RABAC1: variants seen among roughly 807,000 people sequenced by gnomAD.
The protein encoded by RABAC1 is Rab acceptor 1.
Under a neutral mutation model 22.9 loss-of-function variants are expected in RABAC1, and 16 were observed. The ratio of observed to expected loss-of-function variants is 0.70; its 90% CI spans 0.47 to 1.06. RABAC1 has a LOEUF of 1.06. Ranked by LOEUF, RABAC1 falls within the 50% of genes least tolerant of loss-of-function variation. The pLI is 0.00. For synonymous variants in RABAC1, 139 were observed against 107.7 expected (o/e 1.29, Z -1.80); for missense variants, 227 against 246.5 (o/e 0.92, Z 0.53).
chr19:41,957,048 C>T lies in RABAC1; in HGVS notation c.439G>A (p.Gly147Ser). The T allele has an allele frequency of 1.9e-6, 3 of 1,613,894 alleles. No individual in the cohort carries two copies. Among genetic ancestry groups the T allele is most frequent in the Non-Finnish European group, 2.5e-6 (3 of 1,180,002 alleles). ...ACCCAGAAGACGGCCGAGCCCGCAC[C>T]AGCCAGCCAGAAGAAGGGGAAGGAG... ...GISFPFFWLAGAGSAVFWVLG... is the reference protein window; with the variant it reads ...GISFPFFWLASAGSAVFWVLG... The change falls in exon 4 of 5, where the codon GGT becomes AGT. Residue 147 changes from glycine (G) to serine (S), a missense_variant. Gly to Ser is a moderately conservative substitution (Grantham distance 56). Transcript: ENST00000222008.
Position 41,956,769 on chromosome 19 carries a change from C to G in RABAC1, c.*77G>C, listed in dbSNP as rs2074991369. 4.4e-6 allele frequency: 6 copies of G among 1,362,592 alleles called. No homozygotes were observed. Among genetic ancestry groups the G allele is most frequent in the Non-Finnish European group, 6.0e-6 (6 of 997,796 alleles). 84.4% of individuals were successfully genotyped at this position (1,362,592 alleles called of 1,614,324 possible). On this transcript the variant is annotated 3_prime_UTR_variant, in exon 5 of 5. Coordinates refer to ENST00000222008, the MANE Select transcript of RABAC1 (RefSeq NM_006423.3). ...GATGGGACGGCGCTGTGGGCCCGAG[C>G]AGCAGAGCCGTGCAGGACAGGCATG...
intron 1 of RABAC1, 98 bp downstream of exon 1, chr19:41,959,139 G>C (rs2075004180): frequency 6.5e-7 from 1 of 1,535,012 alleles, no homozygotes; most frequent in South Asian, 1.2e-5. Context: ...CTGCGGCTCG[G>C]GGCTGGGACT....
rs782317640 is a variant in RABAC1, at chr19:41,958,345, AAGAC to A, written c.304_307del (p.Val102PhefsTer24). ...ATAGAGAATGTAACAGGCGCCGAAA[AAGAC>A]AGCCAGAGCCACCAGCAACATAGGG... On this transcript the variant is annotated frameshift_variant, in exon 3 of 5. Transcript: ENST00000222008. LOFTEE classifies it high-confidence loss of function. 115 of 1,613,566 alleles carry A rather than the reference AAGAC, an allele frequency of 7.1e-5. No individual in the cohort carries two copies. The highest frequency in any genetic ancestry group is 9.3e-5 in the Non-Finnish European group (110 of 1,179,938).
chr19:41,958,220 C>A, intron 3 of RABAC1, 66 bp downstream of exon 3: 2 of 1,464,094 alleles, frequency 1.4e-6, no homozygotes, highest in South Asian at 2.4e-5. Flanking sequence ...GGTCTGAGGT[C>A]TGTCTGCATT....
rs782188389 is a variant in RABAC1 at position 41,957,040 on chromosome 19, G to A, written c.447C>T (p.Gly149=). 26 of 1,613,658 alleles carry A rather than the reference G, an allele frequency of 1.6e-5. No homozygotes were observed. In the Admixed American group the frequency reaches 2.3e-4, roughly 14 times the overall value. The change falls in exon 4 of 5, where the codon GGC becomes GGT. Residue 149 remains glycine, a synonymous_variant. Coordinates refer to ENST00000222008, the MANE Select transcript of RABAC1 (RefSeq NM_006423.3). ...CACCCAGCACCCAGAAGACGGCCGA[G>A]CCCGCACCAGCCAGCCAGAAGAAGG... The part of the protein sequence containing the change: ...SFPFFWLAGA[G]SAVFWVLGAT...
intron 1 of RABAC1, 84 bp downstream of exon 1, chr19:41,959,153 G>C (rs1357585910): frequency 6.4e-7 from 1 of 1,571,260 alleles, no homozygotes; most frequent in African/African-American, 1.4e-5. Flanking sequence ...TGGGACTCCA[G>C]GCTCTCGAGG....
Position 41,958,876 on chromosome 19 carries a change from C to A in RABAC1, c.129G>T (p.Arg43=), listed in dbSNP as rs782795861. 2 of 1,602,672 alleles carry A rather than the reference C, an allele frequency of 1.2e-6. No homozygotes were observed. The highest frequency in any genetic ancestry group is 1.7e-6 in the Non-Finnish European group (2 of 1,177,986). Residue 43 remains arginine, a synonymous_variant, in exon 2 of 5, where the codon CGG becomes CGT. Transcript: ENST00000222008. ...GCTGGTCCACGAAGGTGCTCCAGGG[C>A]CGGATGGTCGCGCGGCGCCGCTCCA... The part of the protein sequence containing the change: ...EWLERRRATI[R]PWSTFVDQQR...
In RABAC1 at chr19:41,958,875, G is replaced by T; in HGVS notation, c.130C>A (p.Pro44Thr). Residue 44 changes from proline to threonine, a missense_variant, in exon 2 of 5, where the codon CCC becomes ACC. Pro to Thr is a conservative substitution (Grantham distance 38). Coordinates refer to ENST00000222008, the MANE Select transcript of RABAC1 (RefSeq NM_006423.3). ...TGCTGGTCCACGAAGGTGCTCCAGG[G>T]CCGGATGGTCGCGCGGCGCCGCTCC... ...WLERRRATIR[P>T]WSTFVDQQRF... 6.2e-7 allele frequency: 1 copy of T among 1,603,202 alleles called. No homozygotes were observed.
chr19:41,959,164 G>A (rs1555857338), intron 1 of RABAC1, 73 bp downstream of exon 1: 4 of 1,589,892 alleles, frequency 2.5e-6, no homozygotes, highest in Non-Finnish European at 3.4e-6. Context: ...GCTCTCGAGG[G>A]AGGAGGGAGG....
chr19:41,958,651 G>A, intron 2 of RABAC1, 85 bp downstream of exon 2: 1 of 1,406,250 alleles, frequency 7.1e-7, no homozygotes, highest in Non-Finnish European at 9.7e-7. Context: ...GAGGGACCGG[G>A]CGGTGAAGGG....
At position 41,959,217 on chromosome 19, in the gene RABAC1, C is replaced by A. The variant is rs1555857365; in HGVS notation, c.56+20G>T. The A allele has an allele frequency of 1.9e-6, 3 of 1,613,184 alleles. No individual in the cohort carries two copies. The highest frequency in any genetic ancestry group is 2.2e-5 in the South Asian group (2 of 91,076). On this transcript the variant is annotated intron_variant, in intron 1 of 4. Transcript: ENST00000222008. ...GACTCCCGGGTCTCTGGTCCGAGGG[C>A]CTAGAGCCAGCTCGCTCACGTGCCG...
rs1484179045 is a variant in RABAC1 at position 41,959,282 on chromosome 19, T to C, written c.11A>G (p.Gln4Arg). 1.2e-6 allele frequency: 2 copies of C among 1,613,578 alleles called. No individual in the cohort carries two copies. Among genetic ancestry groups the C allele is most frequent in the Non-Finnish European group, 8.5e-7 (1 of 1,179,928 alleles). Residue 4 changes from glutamine to arginine, a missense_variant, in exon 1 of 5, where the codon CAG becomes CGG. Transcript: ENST00000222008. MAA[Q>R]KDQQKDAEAE... ...CTCGGCATCTTTCTGCTGGTCCTTC[T>C]GCGCTGCCATGTCTGCGTCGTGAGG... is the stretch of plus-strand genomic sequence containing the variant.
At position 41,956,906 on chromosome 19, in the gene RABAC1, G is replaced by T; in HGVS notation, c.498C>A (p.His166Gln). 1.9e-6 allele frequency: 3 copies of T among 1,612,660 alleles called. No homozygotes were observed. The highest frequency in any genetic ancestry group is 2.5e-6 in the Non-Finnish European group (3 of 1,179,432). The change falls in exon 5 of 5, where the codon CAC becomes CAA. Residue 166 changes from histidine to glutamine, a missense_variant. His to Gln is a conservative substitution (Grantham distance 24). Coordinates refer to ENST00000222008, the MANE Select transcript of RABAC1 (RefSeq NM_006423.3). The part of the protein sequence containing the change: ...LGATLVVIGS[H>Q]AAFHQIEAVD... The stretch of plus-strand genomic sequence containing the variant: ...CAGCCTCAATCTGGTGGAAGGCAGC[G>T]TGGGAGCCGATGACCACCAGGGTGG...
In RABAC1 at chr19:41,958,868, C is replaced by T. The variant is rs1555857213; in HGVS notation, c.137G>A (p.Ser46Asn). The T allele has an allele frequency of 2.5e-6, 4 of 1,605,332 alleles. No homozygotes were observed. The highest frequency in any genetic ancestry group is 2.2e-5 in the East Asian group (1 of 44,706). Residue 46 changes from serine (S) to asparagine (N), a missense_variant, in exon 2 of 5, where the codon AGC (serine) becomes AAC (asparagine). Coordinates refer to ENST00000222008, the MANE Select transcript of RABAC1 (RefSeq NM_006423.3). ...ERRRATIRPW[S>N]TFVDQQRFSR... ...GAAGCGCTGCTGGTCCACGAAGGTG[C>T]TCCAGGGCCGGATGGTCGCGCGGCG...
Position 41,957,133 on chromosome 19 carries a change from G to A in RABAC1, c.368-14C>T, listed in dbSNP as rs782162685. On this transcript the variant is annotated splice_polypyrimidine_tract_variant and intron_variant, in intron 3 of 4. Coordinates refer to ENST00000222008, the MANE Select transcript of RABAC1 (RefSeq NM_006423.3). ...TCACCTCTCGGCCTGGGGGCAGATG[G>A]CATTGGGGTGCTGTTCCGACTCTCC... The A allele has an allele frequency of 5.0e-6, 8 of 1,607,482 alleles. No homozygotes were observed. Among genetic ancestry groups the A allele is most frequent in the South Asian group, 4.4e-5 (4 of 90,784 alleles).
At chr19:41,959,185 G>C (rs1164528393) in intron 1 of RABAC1, 52 bp downstream of exon 1, 3 of 1,609,524 alleles carry the variant, frequency 1.9e-6, no homozygotes, top group Non-Finnish European at 1.7e-6. Flanking sequence ...AGGGGGCCGG[G>C]GGCCCGGACT....
rs200954177 is a variant in RABAC1, at chr19:41,958,789, C to T, written c.216G>A (p.Glu72=). 1.2e-6 allele frequency: 2 copies of T among 1,612,844 alleles called. No individual in the cohort carries two copies. The highest frequency in any genetic ancestry group is 4.5e-5 in the East Asian group (2 of 44,870). ...CGAACACATAGTTGCTCTGGTAGTA[C>T]TCCACGTTGCGTACGAGGCGCTGGC... is the stretch of plus-strand genomic sequence containing the variant. ...ELCQRLVRNV[E]YYQSNYVFVF... is the part of the protein sequence containing the mutation. Residue 72 remains glutamate, a synonymous_variant, in exon 2 of 5, where the codon GAG becomes GAA. Transcript: ENST00000222008.
rs1568847242 is a variant in RABAC1 at position 41,958,403 on chromosome 19, A to T, written c.270-20T>A. The T allele has an allele frequency of 6.2e-7, 1 of 1,605,494 alleles. No individual in the cohort carries two copies. The highest frequency in any genetic ancestry group is 1.7e-5 in the Admixed American group (1 of 59,194). ...GTCACCCTGGAGGAGGAGTGCAGGG[A>T]GGCAGCGGTTAGACAGCTGGGGCTG... On this transcript the variant is annotated intron_variant, in intron 2 of 4. Coordinates refer to ENST00000222008, the MANE Select transcript of RABAC1 (RefSeq NM_006423.3).
chr19:41,958,599 G>A (rs2075000744), intron 2 of RABAC1, 137 bp downstream of exon 2: 2 of 1,043,092 alleles, frequency 1.9e-6, no homozygotes, highest in East Asian at 2.6e-5. Context: ...ATCCTTGGGG[G>A]CGGGGCCTGG....
Sources: allele counts gnomAD v4.1 joint callset, GRCh38; gene constraint gnomAD v4.1.1; transcripts MANE v1.5; gene names NCBI Gene and HGNC (gene_info 2026-07-23, HGNC 2026-07-21).